Variants in ABTB3 observed in about 807,000 individuals in gnomAD.
ABTB3 encodes the protein ankyrin repeat and BTB domain containing 3.
At chr12:107,522,019 G>A in the ABTB3 span, among the ~76,000 whole-genome samples, 1 of 151,942 alleles carries the variant, frequency 6.6e-6, no homozygotes. Flanking sequence ...GGAAGTCCAA[G>A]ATCAAGGTGG....
chr12:107,465,892 C>T, the ABTB3 span, among the ~76,000 whole-genome samples: 3 of 152,210 alleles, frequency 2.0e-5, no homozygotes, highest in Non-Finnish European at 4.4e-5. Context: ...TGCGTTCGTA[C>T]TGCCTCTCGG....
the ABTB3 span, among the ~76,000 whole-genome samples, chr12:107,521,377 G>A: frequency 1.3e-5 from 2 of 151,802 alleles, no homozygotes; most frequent in South Asian, 4.2e-4. Flanking sequence ...TTGTTATCAG[G>A]CATTTGTGCA....
chr12:107,470,237 G>A, the ABTB3 span, among the ~76,000 whole-genome samples: 2 of 151,724 alleles, frequency 1.3e-5, no homozygotes, highest in African/African-American at 2.4e-5. Context: ...TGGAGTTTCA[G>A]CACATTGGCC....
At chr12:107,518,797 G>A in the ABTB3 span, among the ~76,000 whole-genome samples, 1 of 151,854 alleles carries the variant, frequency 6.6e-6, no homozygotes, top group Non-Finnish European at 1.5e-5. Context: ...TGGAAACACA[G>A]CAGGTGTTCA....
At chr12:107,534,379 A>G in the ABTB3 span, among the ~76,000 whole-genome samples, 1 of 152,112 alleles carries the variant, frequency 6.6e-6, no homozygotes, top group Non-Finnish European at 1.5e-5. Context: ...CTAACAATGC[A>G]CCTTAAGGAA....
the ABTB3 span, among the ~76,000 whole-genome samples, chr12:107,572,810 G>C: frequency 1.3e-5 from 2 of 152,142 alleles, no homozygotes; most frequent in East Asian, 3.9e-4. Flanking sequence ...TTGCAGGCAG[G>C]GTCAAGGTTG....
At chr12:107,323,856 T>C in the ABTB3 span, among the ~76,000 whole-genome samples, 1 of 152,210 alleles carries the variant, frequency 6.6e-6, no homozygotes, top group Non-Finnish European at 1.5e-5. Context: ...AGATACTCTC[T>C]ACTGCTTGTT....
chr12:107,445,842 A>T, the ABTB3 span, among the ~76,000 whole-genome samples: 19 of 147,256 alleles, frequency 1.3e-4, no homozygotes, highest in East Asian at 3.5e-3. Flanking sequence ...CTTTAAGGCC[A>T]GTAGCAAACA....
chr12:107,583,784 T>G, the ABTB3 span, among the ~76,000 whole-genome samples: 2 of 152,200 alleles, frequency 1.3e-5, no homozygotes, highest in East Asian at 1.9e-4. Context: ...GATGTGAATG[T>G]GATGTGCACG....
chr12:107,593,980 G>C, the ABTB3 span, among the ~76,000 whole-genome samples: 1 of 152,198 alleles, frequency 6.6e-6, no homozygotes, highest in African/African-American at 2.4e-5. Flanking sequence ...GTAGTCTTTA[G>C]TTGAGCAGCC....
the ABTB3 span, among the ~76,000 whole-genome samples, chr12:107,342,064 A>C: frequency 6.6e-6 from 1 of 152,178 alleles, no homozygotes; most frequent in African/African-American, 2.4e-5. Flanking sequence ...TATTAATAGC[A>C]GTGCAAGAAC....
At chr12:107,385,521 G>A in the ABTB3 span, among the ~76,000 whole-genome samples, 1 of 152,220 alleles carries the variant, frequency 6.6e-6, no homozygotes, top group Non-Finnish European at 1.5e-5. Context: ...AACTGGGATC[G>A]TCAGGGTTGG....
At chr12:107,328,876 C>T in the ABTB3 span, among the ~76,000 whole-genome samples, 8 of 152,136 alleles carry the variant, frequency 5.3e-5, no homozygotes, top group African/African-American at 1.9e-4. Flanking sequence ...CGGGGCTTGC[C>T]TTGGTGGTGG....
the ABTB3 span, among the ~76,000 whole-genome samples, chr12:107,459,460 A>G: frequency 6.6e-6 from 1 of 152,220 alleles, no homozygotes; most frequent in Non-Finnish European, 1.5e-5. Flanking sequence ...GACAGGCCAT[A>G]AACAAAATTC....
the ABTB3 span, among the ~76,000 whole-genome samples, chr12:107,388,293 C>T: frequency 6.6e-6 from 1 of 151,700 alleles, no homozygotes; most frequent in African/African-American, 2.4e-5. Flanking sequence ...TTTCTCCCTT[C>T]TCTGCCTTCT....
the ABTB3 span, among the ~76,000 whole-genome samples, chr12:107,607,468 A>T: frequency 1.3e-5 from 2 of 151,964 alleles, no homozygotes; most frequent in Non-Finnish European, 2.9e-5. Flanking sequence ...GGTGTTCTTG[A>T]CTTTCCCACC....
At chr12:107,630,692 C>G in the ABTB3 span, among the ~76,000 whole-genome samples, 11 of 152,156 alleles carry the variant, frequency 7.2e-5, no homozygotes, top group Middle Eastern at 3.4e-3. Context: ...TCCTTGGCCT[C>G]CCAAGCAGCT....
At chr12:107,470,014 C>CTTTCTTTCTT in the ABTB3 span, among the ~76,000 whole-genome samples, 3 of 65,462 alleles carry the variant, frequency 4.6e-5, no homozygotes, top group Admixed American at 1.5e-4. Flanking sequence ...CTTTCTTTCT[C>CTTTCTTTCTT]TCTCTCTCTC....
the ABTB3 span, among the ~76,000 whole-genome samples, chr12:107,428,654 T>G: frequency 6.6e-6 from 1 of 152,232 alleles, no homozygotes; most frequent in East Asian, 1.9e-4. Context: ...TCTCTTGCAC[T>G]CCCCACTCCC....
Sources: gnomAD v4.1 joint callset for allele counts (sites outside exome capture counted in the v4.1 genomes callset) on GRCh38, gnomAD v4.1.1 for gene constraint, MANE v1.5 for transcripts, NCBI Gene and HGNC (gene_info 2026-07-23, HGNC 2026-07-21) for gene names.